Variants in BACH2 observed in about 807,000 individuals in gnomAD.
The protein encoded by BACH2 is BACH transcriptional regulator 2.
A neutral mutation model predicts 61.8 loss-of-function variants in BACH2; 5 were observed. That is an observed-to-expected ratio of 0.08 (90% CI 0.04 to 0.17). The LOEUF is 0.17. Among genes scored for constraint, BACH2 ranks in the 10% least tolerant of loss-of-function variants. The pLI is 1.00. For synonymous variants in BACH2, 446 were observed against 440.1 expected, an observed-to-expected ratio of 1.01 and a Z score of -0.17; for missense variants, 824 against 1,091.1, an observed-to-expected ratio of 0.76 and a Z score of 3.45.
intron 4 of BACH2, among the ~76,000 whole-genome samples, chr6:90,118,663 C>T (rs1305585529): frequency 3.3e-5 from 5 of 152,182 alleles, no homozygotes; most frequent in African/African-American, 1.2e-4. Context: ...ATGCCTTAGT[C>T]ATGGAAAGAC....
At chr6:90,273,272 C>A (rs1229853768) in intron 1 of BACH2, among the ~76,000 whole-genome samples, 1 of 152,070 alleles carries the variant, frequency 6.6e-6, no homozygotes, top group Non-Finnish European at 1.5e-5. Flanking sequence ...GCAAAAGGAT[C>A]ACTCGAGCCC....
chr6:90,108,520 C>T (rs1783023531), intron 4 of BACH2, among the ~76,000 whole-genome samples: 1 of 152,140 alleles, frequency 6.6e-6, no homozygotes, highest in African/African-American at 2.4e-5. Flanking sequence ...AGTGAACTAC[C>T]AAAGAAATCA....
intron 7 of BACH2, among the ~76,000 whole-genome samples, chr6:89,944,068 T>C (rs895034546): frequency 6.6e-6 from 1 of 152,250 alleles, no homozygotes; most frequent in Non-Finnish European, 1.5e-5. Context: ...GCAATTGTCC[T>C]TCCACGCCCT....
At chr6:89,957,670 A>T (rs940440404) in intron 6 of BACH2, among the ~76,000 whole-genome samples, 1 of 152,150 alleles carries the variant, frequency 6.6e-6, no homozygotes, top group Admixed American at 6.5e-5. Context: ...CCTCTTGAAT[A>T]GCTGGGACTA....
rs1772623604 is a variant in BACH2 at position 89,931,197 on chromosome 6, G to T, written c.*1211C>A. The T allele has an allele frequency of 2.0e-5, 3 of 152,344 alleles. No individual in the cohort carries two copies. The highest frequency in any genetic ancestry group is 4.4e-5 in the Non-Finnish European group (3 of 68,040). The allele number at this position is 152,344 out of a possible 1,614,324, so 9.4% of individuals were successfully genotyped here. On this transcript the variant is annotated 3_prime_UTR_variant, in exon 9 of 9. Coordinates refer to ENST00000257749, the MANE Select transcript of BACH2 (RefSeq NM_021813.4). ...TGCTGAGTTCTGGTATAAAATCACGGATTCCTGTTTTTCTGATGTACTTTT... is the reference window on the plus strand; with the variant it reads ...TGCTGAGTTCTGGTATAAAATCACGTATTCCTGTTTTTCTGATGTACTTTT...
intron 4 of BACH2, among the ~76,000 whole-genome samples, chr6:90,094,036 A>C (rs1284820949): frequency 6.6e-6 from 1 of 152,232 alleles, no homozygotes; most frequent in African/African-American, 2.4e-5. Context: ...CAGATATGGG[A>C]AATTATCTGT....
intron 4 of BACH2, among the ~76,000 whole-genome samples, chr6:90,117,808 T>C (rs905719764): frequency 1.3e-5 from 2 of 152,212 alleles, no homozygotes; most frequent in African/African-American, 2.4e-5. Context: ...TCAGCATTCT[T>C]GTTTAGCTTT....
intron 1 of BACH2, among the ~76,000 whole-genome samples, chr6:90,281,607 C>T (rs1007631315): frequency 6.6e-6 from 1 of 151,990 alleles, no homozygotes; most frequent in South Asian, 2.1e-4. Context: ...ATGTATGTAT[C>T]CCTAAATAAC....
At chr6:90,191,615 T>A (rs1293011359) in intron 4 of BACH2, among the ~76,000 whole-genome samples, 1 of 152,228 alleles carries the variant, frequency 6.6e-6, no homozygotes, top group Non-Finnish European at 1.5e-5. Context: ...GGATCTGCTT[T>A]ATCTAGACAC....
chr6:89,998,461 T>C (rs1403626839), intron 6 of BACH2, among the ~76,000 whole-genome samples: 3 of 152,130 alleles, frequency 2.0e-5, no homozygotes, highest in African/African-American at 4.8e-5. Context: ...AATTTTACTA[T>C]GTGTACCAAA....
intron 5 of BACH2, among the ~76,000 whole-genome samples, chr6:90,062,049 T>C (rs781718653): frequency 2.6e-5 from 4 of 152,156 alleles, no homozygotes; most frequent in Non-Finnish European, 5.9e-5. Context: ...TATATGCCAA[T>C]GGGAAAGATT....
chr6:90,276,842 GA>G (rs1771710842), intron 1 of BACH2, among the ~76,000 whole-genome samples: 2 of 151,728 alleles, frequency 1.3e-5, no homozygotes, highest in Non-Finnish European at 2.9e-5. Context: ...TTCTCTTGAA[GA>G]AAAAAAATAT....
At chr6:90,106,324 C>G (rs1562448148) in intron 4 of BACH2, among the ~76,000 whole-genome samples, 1 of 152,206 alleles carries the variant, frequency 6.6e-6, no homozygotes, top group Non-Finnish European at 1.5e-5. Flanking sequence ...TGAATAATGA[C>G]ATTTCAGTTG....
chr6:90,064,740 C>T (rs757943886), intron 5 of BACH2, among the ~76,000 whole-genome samples: 9 of 152,162 alleles, frequency 5.9e-5, no homozygotes, highest in Non-Finnish European at 1.0e-4. Context: ...AGAGAAAGCC[C>T]ATTCCACAAA....
intron 3 of BACH2, among the ~76,000 whole-genome samples, chr6:90,221,178 C>T (rs1476047089): frequency 6.6e-6 from 1 of 152,182 alleles, no homozygotes; most frequent in African/African-American, 2.4e-5. Context: ...TATATGAAAT[C>T]CCTATAAGCA....
intron 4 of BACH2, among the ~76,000 whole-genome samples, chr6:90,185,747 T>G (rs1474265528): frequency 6.6e-6 from 1 of 152,174 alleles, no homozygotes; most frequent in Non-Finnish European, 1.5e-5. Context: ...AATGTTAAAT[T>G]CAACTGGTCT....
intron 5 of BACH2, among the ~76,000 whole-genome samples, chr6:90,018,617 A>G (rs1778196198): frequency 6.6e-6 from 1 of 152,240 alleles, no homozygotes; most frequent in African/African-American, 2.4e-5. Context: ...CAGCTACTCC[A>G]AACACTTTAT....
intron 4 of BACH2, among the ~76,000 whole-genome samples, chr6:90,198,865 C>G (rs1467299488): frequency 6.6e-6 from 1 of 152,124 alleles, no homozygotes; most frequent in Non-Finnish European, 1.5e-5. Context: ...ATAGGAGGGA[C>G]CTGGTAGGAG....
intron 3 of BACH2, among the ~76,000 whole-genome samples, chr6:90,212,075 A>C (rs751254286): frequency 1.9e-4 from 29 of 152,220 alleles, no homozygotes; most frequent in Admixed American, 1.4e-3. Flanking sequence ...GAAACTTGGG[A>C]AATCAGATGG....
Sources: allele counts gnomAD v4.1 joint callset (sites outside exome capture counted in the v4.1 genomes callset), GRCh38; gene constraint gnomAD v4.1.1; transcripts MANE v1.5; gene names NCBI Gene and HGNC (gene_info 2026-07-23, HGNC 2026-07-21).